MYO1B: variants seen among roughly 807,000 people sequenced by gnomAD.
MYO1B encodes unconventional myosin-Ib.
In MYO1B, 72 loss-of-function variants were observed where a neutral mutation model predicts 159.7. That is an observed-to-expected ratio of 0.45 (90% confidence interval 0.37 to 0.55). The LOEUF (loss-of-function observed/expected upper bound fraction) is 0.55. MYO1B is among the 20% of genes least tolerant of loss of function. The pLI, the probability that MYO1B is intolerant of heterozygous loss-of-function variation, is 0.00. For missense variants in MYO1B, 1,062 were observed against 1,364.8 expected (o/e 0.78, Z 3.50); for synonymous variants, 468 against 473.8 (o/e 0.99, Z 0.16).
chr2:191,309,323 A>G (rs931353039), intron 3 of MYO1B, among the ~76,000 whole-genome samples: 11 of 152,092 alleles, frequency 7.2e-5, no homozygotes, highest in African/African-American at 2.4e-4. Flanking sequence ...AACCACGTCC[A>G]TAGCCACTTG....
chr2:191,415,020 G>A (rs775104380), intron 29 of MYO1B, among the ~76,000 whole-genome samples: 9 of 152,044 alleles, frequency 5.9e-5, no homozygotes, highest in Non-Finnish European at 8.8e-5. Context: ...TAAAATAACC[G>A]CCAGTTAATT....
At chr2:191,293,056 A>G (rs1247336331) in intron 2 of MYO1B, among the ~76,000 whole-genome samples, 2 of 152,236 alleles carry the variant, frequency 1.3e-5, no homozygotes, top group Non-Finnish European at 2.9e-5. Flanking sequence ...GACCTCTCTG[A>G]CAGGCTAGCT....
At chr2:191,265,434 A>G (rs1037721863) in intron 1 of MYO1B, among the ~76,000 whole-genome samples, 6 of 152,152 alleles carry the variant, frequency 3.9e-5, no homozygotes, top group Non-Finnish European at 8.8e-5. Context: ...AAGTGGTGTA[A>G]GACTTTGTTG....
chr2:191,263,363 G>A, intron 1 of MYO1B: 1 of 983,842 alleles, frequency 1.0e-6, no homozygotes, highest in Non-Finnish European at 1.2e-6. Flanking sequence ...TAAATCAGTG[G>A]AAAAAGCAAT....
At chr2:191,315,848 G>GATA (rs1690312220) in intron 3 of MYO1B, among the ~76,000 whole-genome samples, 2 of 152,218 alleles carry the variant, frequency 1.3e-5, no homozygotes, top group Admixed American at 1.3e-4. Context: ...ATCTATAAGA[G>GATA]GTATAAGTAA....
intron 26 of MYO1B, among the ~76,000 whole-genome samples, chr2:191,410,759 C>G (rs1697205443): frequency 1.3e-5 from 2 of 152,110 alleles, no homozygotes; most frequent in Admixed American, 1.3e-4. Context: ...GTGACAGCCT[C>G]AGGACTAGAG....
intron 8 of MYO1B, 126 bp from the exon 9 acceptor site, chr2:191,362,142 G>A (rs1693709298): frequency 1.5e-6 from 1 of 652,034 alleles, no homozygotes; most frequent in East Asian, 2.8e-5. Flanking sequence ...TATAATTTGT[G>A]TTCTTTTGAT....
At chr2:191,326,301 A>G (rs1488044065) in intron 3 of MYO1B, among the ~76,000 whole-genome samples, 1 of 152,136 alleles carries the variant, frequency 6.6e-6, no homozygotes, top group East Asian at 1.9e-4. Flanking sequence ...GGAGCTGATG[A>G]TGGGTACGTG....
rs529544317 is a variant in MYO1B at position 191,339,696 on chromosome 2, T to G, written c.347-1765T>G. Among the ~76,000 whole-genome samples the G allele has an allele frequency of 5.3e-5, 8 of 152,332 alleles. No homozygotes were observed. In the South Asian group the frequency reaches 1.7e-3, roughly 32 times the overall value. On this transcript the variant is annotated intron_variant, in intron 4 of 30. Coordinates refer to ENST00000392318, the MANE Select transcript of MYO1B (RefSeq NM_001130158.3). ...CACCTAATGTCCCACCATAGTTCTG[T>G]GCTCCATGAGATTGTTTACTTCCCC...
At chr2:191,343,433 A>C in intron 5 of MYO1B, among the ~76,000 whole-genome samples, 1 of 152,292 alleles carries the variant, frequency 6.6e-6, no homozygotes, top group East Asian at 1.9e-4. Context: ...TTTCACCATT[A>C]CAAGGACACA....
At chr2:191,416,348 A>G (rs2126183372) in intron 30 of MYO1B, 106 bp downstream of exon 30, 1 of 1,350,976 alleles carries the variant, frequency 7.4e-7, no homozygotes, top group Non-Finnish European at 1.0e-6. Context: ...AGTACCAGGT[A>G]TGTGTCTAGT....
At chr2:191,333,133 T>G (rs1691600262) in intron 4 of MYO1B, among the ~76,000 whole-genome samples, 1 of 152,250 alleles carries the variant, frequency 6.6e-6, no homozygotes, top group Non-Finnish European at 1.5e-5. Flanking sequence ...AAAAATTAGT[T>G]GATTTGCTTA....
At chr2:191,391,646 TG>T (rs1375548272) in intron 18 of MYO1B, among the ~76,000 whole-genome samples, 1 of 152,214 alleles carries the variant, frequency 6.6e-6, no homozygotes, top group Non-Finnish European at 1.5e-5. Context: ...TTGCTCCCGC[TG>T]GGTAAGGCCC....
At chr2:191,315,526 C>T (rs922009221) in intron 3 of MYO1B, among the ~76,000 whole-genome samples, 7 of 152,214 alleles carry the variant, frequency 4.6e-5, no homozygotes, top group African/African-American at 1.7e-4. Flanking sequence ...TCTAAGCTTA[C>T]TGAACTTGAA....
intron 7 of MYO1B, among the ~76,000 whole-genome samples, chr2:191,358,457 A>G (rs1426308100): frequency 1.3e-5 from 2 of 152,142 alleles, no homozygotes; most frequent in African/African-American, 4.8e-5. Context: ...ATTCCTTTTC[A>G]TATCGTGCGC....
chr2:191,376,672 T>C (rs769203053), intron 13 of MYO1B, among the ~76,000 whole-genome samples: 2 of 152,180 alleles, frequency 1.3e-5, no homozygotes, highest in Admixed American at 6.5e-5. Flanking sequence ...AACACTAATA[T>C]GTAATTAACA....
At chr2:191,268,228 T>C (rs1228999439) in intron 1 of MYO1B, among the ~76,000 whole-genome samples, 3 of 152,222 alleles carry the variant, frequency 2.0e-5, no homozygotes, top group East Asian at 1.9e-4. Context: ...GATCAAGTTG[T>C]TGGTAGATTC....
In MYO1B at chr2:191,424,130, CTTTCAAATACATGTT is replaced by C; in HGVS notation, c.*171_*185del. The stretch of plus-strand genomic sequence containing the variant: ...TTTTTATTATTGGAATAGTTTTAAC[CTTTCAAATACATGTT>C]CTGTCCTGGAGCAGGATTGTAGAAA... On this transcript the variant is annotated 3_prime_UTR_variant, in exon 31 of 31. Coordinates refer to ENST00000392318, the MANE Select transcript of MYO1B (RefSeq NM_001130158.3). 1 of 741,816 alleles carries C rather than the reference CTTTCAAATACATGTT, an allele frequency of 1.3e-6. No homozygotes were observed. Among genetic ancestry groups the C allele is most frequent in the Non-Finnish European group, 2.2e-6 (1 of 456,270 alleles). 46.0% of individuals were successfully genotyped at this position (741,816 alleles called of 1,614,324 possible).
At chr2:191,319,375 C>T (rs1690556009) in intron 3 of MYO1B, among the ~76,000 whole-genome samples, 1 of 152,168 alleles carries the variant, frequency 6.6e-6, no homozygotes, top group Non-Finnish European at 1.5e-5. Context: ...GTCAGTCACT[C>T]TAGGCCTGGA....
Sources: allele counts gnomAD v4.1 joint callset (sites outside exome capture counted in the v4.1 genomes callset), GRCh38; gene constraint gnomAD v4.1.1; transcripts MANE v1.5; gene names NCBI Gene and HGNC (gene_info 2026-07-23, HGNC 2026-07-21).